Variants in ALS2 observed in about 807,000 individuals in gnomAD.
The protein encoded by ALS2 is alsin.
ALS2 carries 117 observed loss-of-function variants against 203.4 expected under a neutral mutation model. The ratio of observed to expected loss-of-function variants is 0.58; its 90% CI spans 0.50 to 0.67. The LOEUF is 0.67. Ranked by LOEUF, ALS2 falls within the 30% of genes least tolerant of loss-of-function variation. The probability of loss-of-function intolerance (pLI) is 0.00; values close to 1 mark genes in which losing one functional copy is unlikely to be tolerated. For synonymous variants in ALS2, 718 were observed against 725.9 expected, an observed-to-expected ratio of 0.99 and a Z score of 0.17; for missense variants, 1,715 against 1,989.4, an observed-to-expected ratio of 0.86 and a Z score of 2.62.
At position 201,746,570 on chromosome 2, in the gene ALS2, C is replaced by CTACA. The variant is rs1352779575; in HGVS notation, c.1990_1993dup (p.Ser665MetfsTer2). The CTACA allele has an allele frequency of 6.2e-7, 1 of 1,614,132 alleles. No homozygotes were observed. Among genetic ancestry groups the CTACA allele is most frequent in the Non-Finnish European group, 8.5e-7 (1 of 1,179,994 alleles). On this transcript the variant is annotated stop_gained and frameshift_variant, in exon 9 of 34. Coordinates refer to ENST00000264276, the MANE Select transcript of ALS2 (RefSeq NM_020919.4). LOFTEE classifies it high-confidence loss of function. ...TAGGATCCAATTCCTGTTCACCTTA[C>CTACA]TACAGGAGAGAAGTACTGGAGTCTT...
At chr2:201,772,850 A>ATTTTTTT (rs578253808) in intron 1 of ALS2, among the ~76,000 whole-genome samples, 3 of 108,846 alleles carry the variant, frequency 2.8e-5, no homozygotes, top group Non-Finnish European at 3.5e-5. Context: ...TGCTTTCATG[A>ATTTTTTT]TTTTTTTTTT....
intron 1 of ALS2, among the ~76,000 whole-genome samples, chr2:201,780,649 G>A (rs1298000279): frequency 2.0e-5 from 3 of 152,200 alleles, no homozygotes; most frequent in Non-Finnish European, 4.4e-5. Flanking sequence ...GGAGAACCTG[G>A]GGCCAAGGCA....
chr2:201,714,675 G>A (rs1690252878), intron 25 of ALS2, among the ~76,000 whole-genome samples: 2 of 152,190 alleles, frequency 1.3e-5, no homozygotes, highest in Admixed American at 6.5e-5. Context: ...TGTGGGCCAT[G>A]GTGCCAATGC....
At position 201,738,708 on chromosome 2, in the gene ALS2, C is replaced by G; in HGVS notation, c.2379G>C (p.Leu793=). The change falls in exon 12 of 34, where the codon CTG becomes CTC. Residue 793 remains leucine (L), a synonymous_variant. Coordinates refer to ENST00000264276, the MANE Select transcript of ALS2 (RefSeq NM_020919.4). ...TEYCTSITNF[L]VMGGFQLLAK... The stretch of plus-strand genomic sequence containing the variant: ...CAAGAAGCTGGAATCCTCCCATAAC[C>G]AGGAAATTTGTAATAGATGTGCAAT... 6.2e-7 allele frequency: 1 copy of G among 1,614,024 alleles called. No homozygotes were observed. The highest frequency in any genetic ancestry group is 8.5e-7 in the Non-Finnish European group (1 of 1,179,958).
At chr2:201,723,496 A>G in intron 21 of ALS2, 55 bp from the exon 22 acceptor site, 2 of 1,445,192 alleles carry the variant, frequency 1.4e-6, no homozygotes, top group Non-Finnish European at 1.9e-6. Flanking sequence ...TAAAGTAGGG[A>G]AAAGACAATT....
chr2:201,700,987 T>G lies in ALS2; in HGVS notation c.*864A>C, dbSNP rs2105958351. 1 of 152,514 alleles carries G rather than the reference T, an allele frequency of 6.6e-6. No individual in the cohort carries two copies. Among genetic ancestry groups the G allele is most frequent in the South Asian group, 2.1e-4 (1 of 4,828 alleles). The allele number at this position is 152,514 out of a possible 1,614,324, so 9.4% of individuals were successfully genotyped here. On this transcript the variant is annotated 3_prime_UTR_variant, in exon 34 of 34. Coordinates refer to ENST00000264276, the MANE Select transcript of ALS2 (RefSeq NM_020919.4). ...GGGATCGATGCAGTTTTTTGCTTAT[T>G]TCCCAGTTGTTAGTCCTGCTCGAAA...
At chr2:201,736,724 T>C (rs1691895899) in intron 12 of ALS2, among the ~76,000 whole-genome samples, 1 of 152,056 alleles carries the variant, frequency 6.6e-6, no homozygotes, top group Non-Finnish European at 1.5e-5. Context: ...AAGGCCCAAA[T>C]GAATAATCGT....
chr2:201,773,568 T>G (rs1166670338), intron 1 of ALS2, among the ~76,000 whole-genome samples: 1 of 152,170 alleles, frequency 6.6e-6, no homozygotes. Flanking sequence ...TAAAATTTAT[T>G]TTTAAGTTCA....
At chr2:201,751,956 T>G (rs912477983) in intron 7 of ALS2, among the ~76,000 whole-genome samples, 2 of 152,202 alleles carry the variant, frequency 1.3e-5, no homozygotes, top group Non-Finnish European at 2.9e-5. Flanking sequence ...CATATATACT[T>G]GAGATTATTT....
chr2:201,780,030 G>C (rs1694824778), intron 1 of ALS2: 1 of 152,166 alleles, frequency 6.6e-6, no homozygotes. Context: ...CCAAATATAA[G>C]GGTAACTGAG....
At chr2:201,763,810 C>T (rs1185446343) in intron 3 of ALS2, among the ~76,000 whole-genome samples, 2 of 152,160 alleles carry the variant, frequency 1.3e-5, no homozygotes, top group Admixed American at 6.5e-5. Flanking sequence ...GGAGCAGGTA[C>T]ACATAAGCTA....
intron 28 of ALS2, 38 bp downstream of exon 28, chr2:201,707,831 A>G: frequency 1.2e-6 from 2 of 1,608,596 alleles, no homozygotes; most frequent in Non-Finnish European, 1.7e-6. Context: ...TCTAGTCACC[A>G]TTCCCTTTCT....
chr2:201,706,691 G>A (rs1689739205), intron 29 of ALS2, among the ~76,000 whole-genome samples, 155 bp downstream of exon 29: 2 of 151,366 alleles, frequency 1.3e-5, no homozygotes, highest in Admixed American at 1.3e-4. Flanking sequence ...CAGAAATAAA[G>A]ATTATTAACT....
intron 3 of ALS2, chr2:201,762,845 G>T: frequency 6.5e-6 from 1 of 154,318 alleles, no homozygotes; most frequent in South Asian, 1.9e-4. Context: ...CTGGGGCCAG[G>T]GTCGGGGCCA....
At chr2:201,741,617 TCTC>T (rs1383647659) in intron 11 of ALS2, 54 bp downstream of exon 11, 1 of 1,539,962 alleles carries the variant, frequency 6.5e-7, no homozygotes, top group Admixed American at 1.7e-5. Context: ...AAGGAGCTGT[TCTC>T]CTTGGCAGAA....
chr2:201,751,650 G>A (rs1693069842), intron 7 of ALS2, among the ~76,000 whole-genome samples: 1 of 152,190 alleles, frequency 6.6e-6, no homozygotes, highest in East Asian at 1.9e-4. Context: ...TGCTGTTCGG[G>A]ACTGTTGAAT....
Position 201,757,743 on chromosome 2 carries a change from G to A in ALS2, c.1130C>T (p.Ala377Val). 6.2e-7 allele frequency: 1 copy of A among 1,610,382 alleles called. No homozygotes were observed. The highest frequency in any genetic ancestry group is 2.2e-5 in the East Asian group (1 of 44,880). Reference sequence around the variant, plus strand: ...AGGCGGGCTGTGGAGATTAGGAATTGCTTCTTCTAAAAGAGGCTAAAATAT... The same window carrying A: ...AGGCGGGCTGTGGAGATTAGGAATTACTTCTTCTAAAAGAGGCTAAAATAT... The part of the protein sequence containing the change: ...PVPSQPLLEE[A>V]IPNLHSPPTT... The change falls in exon 5 of 34, where the codon GCA becomes GTA. Residue 377 changes from alanine to valine, a missense_variant. Physicochemically the swap from Ala to Val is moderately conservative, Grantham distance 64. Transcript: ENST00000264276.
chr2:201,741,578 C>A, intron 11 of ALS2, 96 bp downstream of exon 11: 1 of 1,273,190 alleles, frequency 7.9e-7, no homozygotes, highest in South Asian at 1.2e-5. Context: ...TACCTTATAT[C>A]ACTCTCCCTA....
intron 25 of ALS2, among the ~76,000 whole-genome samples, chr2:201,715,247 T>C (rs1333795623): frequency 1.3e-5 from 2 of 152,206 alleles, no homozygotes; most frequent in East Asian, 1.9e-4. Flanking sequence ...CTCTGAGTTT[T>C]AGGAGTCCCT....
Sources: gnomAD v4.1 joint callset for allele counts (sites outside exome capture counted in the v4.1 genomes callset) on GRCh38, gnomAD v4.1.1 for gene constraint, MANE v1.5 for transcripts, NCBI Gene and HGNC (gene_info 2026-07-23, HGNC 2026-07-21) for gene names.